Variants in SPATA13 observed in about 807,000 individuals in gnomAD.
The protein encoded by SPATA13 is spermatogenesis associated 13.
SPATA13 carries 50 observed loss-of-function variants against 104.0 expected under a neutral mutation model. The ratio of observed to expected loss-of-function variants is 0.48; its 90% CI spans 0.38 to 0.61. The LOEUF is 0.61. Among genes scored for constraint, SPATA13 ranks in the 20% least tolerant of loss-of-function variants. The probability of loss-of-function intolerance (pLI) is 0.00; values close to 1 mark genes in which losing one functional copy is unlikely to be tolerated. For missense variants in SPATA13, 1,524 were observed against 1,690.6 expected (o/e 0.90, Z 1.73); for synonymous variants, 606 against 667.5 (o/e 0.91, Z 1.42).
Position 24,190,282 on chromosome 13 carries a change from A to ATC in SPATA13, c.-112+29350_-112+29351insTC, listed in dbSNP as rs1869608573. 1.8e-4 allele frequency among the ~76,000 whole-genome samples: 2 copies of ATC among 10,922 alleles called. 1 individual carries two copies. Among genetic ancestry groups the ATC allele is most frequent in the Non-Finnish European group, 6.1e-3 (2 of 330 alleles). The allele number at this position is 10,922 out of a possible 152,430, so 7.2% of individuals were successfully genotyped here. A position where few individuals can be genotyped will look rare whatever the true frequency, so the allele number is the denominator to read the frequency against. On this transcript the variant is annotated intron_variant, in intron 1 of 12. Transcript: ENST00000382108. ...ATACATAATATATATTATTATATAT[A>ATC]ATATATAATATTATATATTATTATA...
rs76457543 is a variant in SPATA13, at chr13:24,058,101, G to A, written c.-112+40400G>A. On this transcript the variant is annotated intron_variant, in intron 3 of 14. Coordinates refer to the SPATA13 transcript ENST00000424834. ...GCCCCACACCTGATCCCACATTGGAGTGTTATGTCTTTGTATTTATTTACC... is the reference window on the plus strand; with the variant it reads ...GCCCCACACCTGATCCCACATTGGAATGTTATGTCTTTGTATTTATTTACC... Among the ~76,000 whole-genome samples the A allele has an allele frequency of 5.1e-3, 775 of 151,938 alleles. 13 individuals are homozygous for A. Among genetic ancestry groups the A allele is most frequent in the African/African-American group, 0.018 (741 of 41,516 alleles).
At chr13:24,042,403 C>T (rs367646232) in intron 3 of SPATA13, among the ~76,000 whole-genome samples, 2 of 152,048 alleles carry the variant, frequency 1.3e-5, no homozygotes, top group Admixed American at 6.5e-5. Context: ...ATCCATAGGC[C>T]GCTTTCTGAG....
At chr13:24,107,699 A>G (rs1231904297) in intron 3 of SPATA13, among the ~76,000 whole-genome samples, 1 of 152,186 alleles carries the variant, frequency 6.6e-6, no homozygotes, top group Non-Finnish European at 1.5e-5. Context: ...GTTTTTATTG[A>G]AACTATAGAC....
chr13:24,286,631 CA>C lies in SPATA13; in HGVS notation c.2482-133del, dbSNP rs1875967658. 1.1e-6 allele frequency: 1 copy of C among 895,868 alleles called. No individual in the cohort carries two copies. Among genetic ancestry groups the C allele is most frequent in the Non-Finnish European group, 1.7e-6 (1 of 599,700 alleles). 55.5% of individuals were successfully genotyped at this position (895,868 alleles called of 1,614,324 possible). A position where few individuals can be genotyped will look rare whatever the true frequency, so the allele number is the denominator to read the frequency against. ...GGCATAGCCGCAGCCCTGCTGAGGCCATGAGACTCAGGCGAGGGCCAGGCTG... is the reference window on the plus strand; with the variant it reads ...GGCATAGCCGCAGCCCTGCTGAGGCCTGAGACTCAGGCGAGGGCCAGGCTG... On this transcript the variant is annotated intron_variant, in intron 6 of 12. Transcript: ENST00000382108. This position sits in a 1 kb window ranked among gnomAD's most constrained non-coding sequence, Gnocchi z 4.9.
intron 2 of SPATA13, among the ~76,000 whole-genome samples, chr13:23,990,985 G>T (rs1875384121): frequency 6.6e-6 from 1 of 152,150 alleles, no homozygotes; most frequent in Admixed American, 6.6e-5. Flanking sequence ...TTATTTGCCT[G>T]GTGTACCCCT....
chr13:24,038,156 G>T (rs1178923439), intron 3 of SPATA13, among the ~76,000 whole-genome samples: 1 of 151,734 alleles, frequency 6.6e-6, no homozygotes, highest in Non-Finnish European at 1.5e-5. Flanking sequence ...CTCGTGATCC[G>T]CCTGCCTCGA....
chr13:24,175,151 TC>T (rs1883163480), intron 1 of SPATA13, among the ~76,000 whole-genome samples: 1 of 152,216 alleles, frequency 6.6e-6, no homozygotes, highest in Non-Finnish European at 1.5e-5. Flanking sequence ...GTTCTGTAGC[TC>T]TCTAATCCTT....
At chr13:24,149,581 C>T (rs1270224052) in intron 3 of SPATA13, among the ~76,000 whole-genome samples, 1 of 152,180 alleles carries the variant, frequency 6.6e-6, no homozygotes, top group Non-Finnish European at 1.5e-5. Flanking sequence ...CAGAGATGCC[C>T]TGAGGCCACC....
At chr13:24,107,257 A>G (rs1880484330) in intron 3 of SPATA13, among the ~76,000 whole-genome samples, 1 of 149,370 alleles carries the variant, frequency 6.7e-6, no homozygotes, top group African/African-American at 2.5e-5. Flanking sequence ...AAAAAAAAAA[A>G]AAAAAAAGCT....
chr13:24,182,926 C>T (rs2138527448), intron 1 of SPATA13, among the ~76,000 whole-genome samples: 1 of 152,288 alleles, frequency 6.6e-6, no homozygotes, highest in East Asian at 1.9e-4. Context: ...ACCGAGGGCT[C>T]ACAGCAGGGC....
intron 12 of SPATA13, among the ~76,000 whole-genome samples, chr13:24,302,290 C>G (rs1355952290): frequency 6.6e-6 from 1 of 151,676 alleles, no homozygotes; most frequent in African/African-American, 2.4e-5. Flanking sequence ...TAAGAATTAG[C>G]TCTCTACAAA....
intron 3 of SPATA13, among the ~76,000 whole-genome samples, chr13:24,027,413 G>C (rs555618412): frequency 6.6e-6 from 1 of 152,038 alleles, no homozygotes; most frequent in Non-Finnish European, 1.5e-5. Flanking sequence ...GATTACAGGC[G>C]TGAGCCACCA....
chr13:24,028,460 C>T (rs997699639), intron 3 of SPATA13, among the ~76,000 whole-genome samples: 4 of 152,148 alleles, frequency 2.6e-5, no homozygotes, highest in African/African-American at 9.7e-5. Flanking sequence ...CTCCTGACTC[C>T]CTTGGTTGCA....
At chr13:24,095,341 T>TTA (rs1306920779) in intron 3 of SPATA13, among the ~76,000 whole-genome samples, 1 of 152,196 alleles carries the variant, frequency 6.6e-6, no homozygotes, top group African/African-American at 2.4e-5. Flanking sequence ...ATGATTCCAC[T>TTA]TATATGAAGT....
At chr13:24,173,085 A>G (rs1175492788) in intron 1 of SPATA13, among the ~76,000 whole-genome samples, 1 of 152,098 alleles carries the variant, frequency 6.6e-6, no homozygotes, top group Non-Finnish European at 1.5e-5. Flanking sequence ...TTATGTAAAT[A>G]TATACTTTTT....
At chr13:24,041,743 T>C (rs1010314848) in intron 3 of SPATA13, among the ~76,000 whole-genome samples, 6 of 152,278 alleles carry the variant, frequency 3.9e-5, no homozygotes, top group African/African-American at 1.4e-4. Context: ...TCCCATTTAT[T>C]CTCACTCAAC....
chr13:24,049,710 G>T (rs1878271228), intron 3 of SPATA13, among the ~76,000 whole-genome samples: 1 of 152,050 alleles, frequency 6.6e-6, no homozygotes, highest in Non-Finnish European at 1.5e-5. Flanking sequence ...GAAGGGAGTG[G>T]ATGATCTGTT....
chr13:24,247,746 G>A (rs1432325812), intron 2 of SPATA13, among the ~76,000 whole-genome samples: 1 of 152,100 alleles, frequency 6.6e-6, no homozygotes, highest in African/African-American at 2.4e-5. Context: ...GCCTCCCAAA[G>A]TGCTGGGATT....
At chr13:24,133,724 A>C (rs1479651608) in intron 3 of SPATA13, among the ~76,000 whole-genome samples, 3 of 152,158 alleles carry the variant, frequency 2.0e-5, no homozygotes, top group Admixed American at 2.0e-4. Flanking sequence ...AGCTGGCCAT[A>C]CCTACAGAAC....
Sources: gnomAD v4.1 joint callset for allele counts (sites outside exome capture counted in the v4.1 genomes callset) on GRCh38, gnomAD v4.1.1 for gene constraint, Gnocchi (gnomAD v3.1) non-coding constraint, MANE v1.5 for transcripts, NCBI Gene and HGNC (gene_info 2026-07-23, HGNC 2026-07-21) for gene names.